Variants in RYR3 observed in about 807,000 individuals in gnomAD.
RYR3 encodes the protein brain ryanodine receptor-calcium release channel.
Under a neutral mutation model 584.3 loss-of-function variants are expected in RYR3, and 207 were observed. The observed-to-expected ratio is 0.35, with a 90% CI of 0.32 to 0.40. RYR3 has a LOEUF of 0.40. RYR3 is among the 10% of genes least tolerant of loss of function. RYR3 has a pLI of 1.00. For missense variants in RYR3, 5,616 were observed against 6,089.2 expected (o/e 0.92, Z 2.59); for synonymous variants, 2,416 against 2,248.5 (o/e 1.07, Z -2.11).
chr15:33,314,941 CCAA>C (rs201094710), intron 1 of RYR3, among the ~76,000 whole-genome samples: 13 of 95,726 alleles, frequency 1.4e-4, no homozygotes, highest in East Asian at 6.1e-4. Context: ...AAAAAAAAAA[CCAA>C]AAAAAAACAA....
intron 7 of RYR3, among the ~76,000 whole-genome samples, chr15:33,542,883 A>C (rs906695452): frequency 6.6e-6 from 1 of 152,134 alleles, no homozygotes; most frequent in Non-Finnish European, 1.5e-5. Flanking sequence ...CTCTCCTGCT[A>C]CTATGTTCTT....
At chr15:33,565,142 G>A (rs2057638726) in intron 11 of RYR3, among the ~76,000 whole-genome samples, 1 of 152,086 alleles carries the variant, frequency 6.6e-6, no homozygotes, top group African/African-American at 2.4e-5. Flanking sequence ...GATCAGTAGG[G>A]TTCATAACAA....
Position 33,808,891 on chromosome 15 carries a change from G to A in RYR3, c.10026+1322G>A, listed in dbSNP as rs147819360. Reference sequence around the variant, plus strand: ...TGACTGGTGTTTTGGAGCACTGGACGCAAGATACCCCTGCAACAATAGAAT... The same window carrying A: ...TGACTGGTGTTTTGGAGCACTGGACACAAGATACCCCTGCAACAATAGAAT... On this transcript the variant is annotated intron_variant, in intron 70 of 103. Coordinates refer to ENST00000634891, the MANE Select transcript of RYR3 (RefSeq NM_001036.6). Among the ~76,000 whole-genome samples, 23 of 152,204 alleles carry A rather than the reference G, an allele frequency of 1.5e-4. No individual in the cohort carries two copies. In the East Asian group the frequency reaches 1.9e-3, roughly 13 times the overall value.
At chr15:33,859,222 G>C (rs2080071095) in intron 99 of RYR3, 2 of 208,426 alleles carry the variant, frequency 9.6e-6, no homozygotes, top group Admixed American at 1.1e-4. Flanking sequence ...TTATAGCACA[G>C]CCTGAAGGCC....
At chr15:33,716,900 T>C (rs2067535706) in intron 43 of RYR3, among the ~76,000 whole-genome samples, 1 of 152,028 alleles carries the variant, frequency 6.6e-6, no homozygotes, top group Non-Finnish European at 1.5e-5. Flanking sequence ...TTCATCAACA[T>C]TATTCACACA....
intron 43 of RYR3, among the ~76,000 whole-genome samples, chr15:33,712,473 A>G (rs2067194139): frequency 6.6e-6 from 1 of 152,210 alleles, no homozygotes; most frequent in South Asian, 2.1e-4. Flanking sequence ...GATGGAAGGT[A>G]ATAAGCTTGG....
At chr15:33,797,885 A>AT (rs1382734755) in intron 67 of RYR3, among the ~76,000 whole-genome samples, 2 of 152,228 alleles carry the variant, frequency 1.3e-5, no homozygotes, top group African/African-American at 4.8e-5. Context: ...CTGAAAAATC[A>AT]ATAGGAAAGA....
At chr15:33,474,710 A>T (rs2049227308) in intron 2 of RYR3, among the ~76,000 whole-genome samples, 1 of 152,182 alleles carries the variant, frequency 6.6e-6, no homozygotes, top group Non-Finnish European at 1.5e-5. Flanking sequence ...CCGAAAACAA[A>T]AATCAGAAAT....
At chr15:33,353,123 C>T (rs1973501098) in intron 1 of RYR3, among the ~76,000 whole-genome samples, 1 of 152,138 alleles carries the variant, frequency 6.6e-6, no homozygotes, top group Non-Finnish European at 1.5e-5. Context: ...TATATGAGTG[C>T]ATTTTTTATA....
chr15:33,791,829 G>C (rs1293581573), intron 67 of RYR3, among the ~76,000 whole-genome samples: 1 of 152,166 alleles, frequency 6.6e-6, no homozygotes, highest in Non-Finnish European at 1.5e-5. Context: ...GCTGGATGAA[G>C]AGGAGGACAG....
At chr15:33,634,348 G>C (rs941685699) in intron 24 of RYR3, among the ~76,000 whole-genome samples, 2 of 152,148 alleles carry the variant, frequency 1.3e-5, no homozygotes, top group African/African-American at 4.8e-5. Context: ...ACCACACCCG[G>C]CCAAAAGTGT....
intron 19 of RYR3, among the ~76,000 whole-genome samples, chr15:33,616,484 A>G (rs1277713595): frequency 6.6e-6 from 1 of 152,196 alleles, no homozygotes; most frequent in Non-Finnish European, 1.5e-5. Flanking sequence ...TCTGGTGTCT[A>G]GGTCAGCAGA....
At chr15:33,765,650 A>G (rs796945756) in intron 60 of RYR3, among the ~76,000 whole-genome samples, 1,700 of 151,294 alleles carry the variant, frequency 0.011, 26 homozygotes, top group African/African-American at 0.038. Context: ...AAAAAAAAAA[A>G]AAAAAGAAAA....
intron 32 of RYR3, among the ~76,000 whole-genome samples, chr15:33,653,676 A>T (rs982886125): frequency 7.9e-5 from 12 of 152,118 alleles, no homozygotes; most frequent in Non-Finnish European, 1.3e-4. Context: ...TCTCAAAAAA[A>T]AAAAAAATAC....
intron 1 of RYR3, among the ~76,000 whole-genome samples, chr15:33,370,106 AG>A (rs1185694351): frequency 6.6e-6 from 1 of 152,182 alleles, no homozygotes; most frequent in African/African-American, 2.4e-5. Flanking sequence ...TTCCCCCTGT[AG>A]GAGTCTTGAT....
At chr15:33,574,697 C>T (rs999090610) in intron 12 of RYR3, among the ~76,000 whole-genome samples, 8 of 152,174 alleles carry the variant, frequency 5.3e-5, no homozygotes, top group Admixed American at 5.2e-4. Flanking sequence ...TGAAAATCTT[C>T]CCTTAGCATG....
intron 1 of RYR3, among the ~76,000 whole-genome samples, chr15:33,440,247 A>G (rs2046105646): frequency 6.6e-6 from 1 of 152,216 alleles, no homozygotes; most frequent in East Asian, 1.9e-4. Flanking sequence ...TGATTGCACC[A>G]CTGCACTCTA....
intron 1 of RYR3, among the ~76,000 whole-genome samples, chr15:33,317,698 T>G (rs1293911929): frequency 6.6e-6 from 1 of 152,216 alleles, no homozygotes; most frequent in East Asian, 1.9e-4. Flanking sequence ...AAAACAAAGT[T>G]CAGATCATCT....
intron 51 of RYR3, 146 bp downstream of exon 51, chr15:33,740,141 C>A: frequency 1.4e-6 from 1 of 690,710 alleles, no homozygotes; most frequent in Non-Finnish European, 2.4e-6. Context: ...CAAGTCCCAT[C>A]AGGCACAAGG....
Sources: allele counts gnomAD v4.1 joint callset (sites outside exome capture counted in the v4.1 genomes callset), GRCh38; gene constraint gnomAD v4.1.1; transcripts MANE v1.5; gene names NCBI Gene and HGNC (gene_info 2026-07-23, HGNC 2026-07-21).